ALK: variants seen among roughly 807,000 people sequenced by gnomAD.
ALK encodes ALK tyrosine kinase receptor.
ALK carries 74 observed loss-of-function variants against 163.1 expected under a neutral mutation model. The observed-to-expected ratio is 0.45, with a 90% CI of 0.38 to 0.55. ALK has a LOEUF of 0.55. Ranked by LOEUF, ALK falls within the 20% of genes least tolerant of loss-of-function variation. ALK has a pLI of 0.00. For missense variants in ALK, 2,063 were observed against 2,105.3 expected (o/e 0.98, Z 0.39); for synonymous variants, 960 against 843.2 (o/e 1.14, Z -2.40).
At chr2:29,919,972 A>T (rs2148442741) in intron 1 of ALK, 21 bp downstream of exon 1, 1 of 1,610,856 alleles carries the variant, frequency 6.2e-7, no homozygotes, top group African/African-American at 1.3e-5. Context: ...ATCCCGGCAC[A>T]CTCAGGCGGG....
At chr2:29,714,457 A>G (rs927889907) in intron 2 of ALK, among the ~76,000 whole-genome samples, 2 of 152,190 alleles carry the variant, frequency 1.3e-5, no homozygotes, top group Non-Finnish European at 2.9e-5. Flanking sequence ...GCCTCTTTCC[A>G]CCTTGTCTCT....
At chr2:29,215,899 G>A (rs77233253) in intron 23 of ALK, among the ~76,000 whole-genome samples, 1,975 of 152,220 alleles carry the variant, frequency 0.013, 39 homozygotes, top group African/African-American at 0.045. Context: ...TGGGACTGTC[G>A]GTCTCCCTGG....
At chr2:29,289,913 G>T (rs1468111792) in intron 9 of ALK, among the ~76,000 whole-genome samples, 1 of 152,178 alleles carries the variant, frequency 6.6e-6, no homozygotes, top group African/African-American at 2.4e-5. Context: ...GGCTCCTTCT[G>T]CTCCAGCTCC....
chr2:29,676,800 A>G (rs1286108610), intron 3 of ALK, among the ~76,000 whole-genome samples: 1 of 151,934 alleles, frequency 6.6e-6, no homozygotes, highest in Non-Finnish European at 1.5e-5. Flanking sequence ...AATTTATATT[A>G]TCTTTAATTT....
intron 3 of ALK, among the ~76,000 whole-genome samples, chr2:29,566,065 C>A (rs991375948): frequency 1.3e-5 from 2 of 152,138 alleles, no homozygotes; most frequent in African/African-American, 4.8e-5. Flanking sequence ...GGTTGAGTGA[C>A]AAACTTACAG....
At chr2:29,703,181 G>A (rs1678796058) in intron 2 of ALK, among the ~76,000 whole-genome samples, 2 of 152,178 alleles carry the variant, frequency 1.3e-5, no homozygotes, top group African/African-American at 2.4e-5. Context: ...ATTTTGTATT[G>A]GGGTTATTTT....
chr2:29,368,535 C>A (rs922997087), intron 5 of ALK, among the ~76,000 whole-genome samples: 3 of 152,118 alleles, frequency 2.0e-5, no homozygotes, highest in Admixed American at 6.5e-5. Flanking sequence ...AGAAGTAGGG[C>A]TTCTTGTTGC....
rs564955645 is a variant in ALK at position 29,395,358 on chromosome 2, G to T, written c.1155-11499C>A. The stretch of plus-strand genomic sequence containing the variant: ...CTGGGATAAGTGGTCAGCCAGAAAA[G>T]CCTGGAGGAGCCTGGTGAGGTGGGG... On this transcript the variant is annotated intron_variant, in intron 4 of 28. Transcript: ENST00000389048. Among the ~76,000 whole-genome samples the T allele has an allele frequency of 3.2e-4, 49 of 152,330 alleles. 2 individuals carry two copies. Among genetic ancestry groups the T allele is most frequent in the South Asian group, 2.1e-4 (1 of 4,820 alleles).
intron 4 of ALK, among the ~76,000 whole-genome samples, chr2:29,437,610 C>A (rs747464339): frequency 6.6e-6 from 1 of 152,198 alleles, no homozygotes; most frequent in African/African-American, 2.4e-5. Context: ...TCTTTCTTCT[C>A]AATGGAGGTT....
chr2:29,901,339 G>A (rs1263974180), intron 1 of ALK, among the ~76,000 whole-genome samples: 2 of 152,210 alleles, frequency 1.3e-5, no homozygotes, highest in Non-Finnish European at 2.9e-5. Flanking sequence ...CTGAGGTCAT[G>A]TCTGATATTC....
rs1379154467 is a variant in ALK, at chr2:29,275,234, T to C, written c.1913-7A>G. On this transcript the variant is annotated splice_region_variant and splice_polypyrimidine_tract_variant and intron_variant, in intron 10 of 28. Coordinates refer to ENST00000389048, the MANE Select transcript of ALK (RefSeq NM_004304.5). The stretch of plus-strand genomic sequence containing the variant: ...ATCTTGTCCTCTCCGCTAACTGCAA[T>C]AGAGAAGACCCCACGGGCTGAGTTA... The C allele has an allele frequency of 6.2e-6, 10 of 1,613,908 alleles. No homozygotes were observed. Among genetic ancestry groups the C allele is most frequent in the Non-Finnish European group, 8.5e-6 (10 of 1,180,034 alleles).
chr2:29,346,347 C>G (rs567404453), intron 5 of ALK, among the ~76,000 whole-genome samples: 18 of 152,308 alleles, frequency 1.2e-4, no homozygotes, highest in African/African-American at 2.9e-4. Flanking sequence ...GCTTTATTTT[C>G]AGAGATCCAC....
At chr2:29,554,261 T>A (rs1002909602) in intron 3 of ALK, among the ~76,000 whole-genome samples, 97 of 152,330 alleles carry the variant, frequency 6.4e-4, no homozygotes, top group African/African-American at 2.3e-3. Context: ...GGAAAACCTT[T>A]GTAAAGAGTC....
At chr2:29,869,996 C>G (rs768879293) in intron 1 of ALK, among the ~76,000 whole-genome samples, 24 of 152,270 alleles carry the variant, frequency 1.6e-4, no homozygotes, top group Non-Finnish European at 3.4e-4. Context: ...TAATAATGAT[C>G]TTCATCTATG....
chr2:29,550,892 A>T (rs1478435362), intron 3 of ALK, among the ~76,000 whole-genome samples: 2 of 152,156 alleles, frequency 1.3e-5, no homozygotes, highest in Non-Finnish European at 2.9e-5. Context: ...CTTTCACTTA[A>T]CATTGTCGTA....
In ALK at chr2:29,220,745, TC is replaced by T; in HGVS notation, c.3605del (p.Gly1202GlufsTer56). 1.9e-6 allele frequency: 3 copies of T among 1,600,454 alleles called. No individual in the cohort carries two copies. Among genetic ancestry groups the T allele is most frequent in the Admixed American group, 1.7e-5 (1 of 57,922 alleles). On this transcript the variant is annotated frameshift_variant, in exon 23 of 29. Transcript: ENST00000389048. LOFTEE classifies it high-confidence loss of function. ...TCTCTCGGAGGAAGGACTTGAGGTC[TC>T]CCCCCGCCATGAGCTCCAGCAGGAT... ...RFILLELMAG[G>X]DLKSFLRETR...
intron 3 of ALK, among the ~76,000 whole-genome samples, chr2:29,627,504 T>A (rs537873037): frequency 6.6e-6 from 1 of 151,644 alleles, no homozygotes; most frequent in African/African-American, 2.4e-5. Flanking sequence ...GGCCAGGGAA[T>A]TGAGAAGCAT....
chr2:29,629,389 AAT>A, intron 3 of ALK, among the ~76,000 whole-genome samples: 1 of 152,316 alleles, frequency 6.6e-6, no homozygotes, highest in Admixed American at 6.5e-5. Flanking sequence ...CAAGCAGAGG[AAT>A]ATGACAATGA....
At chr2:29,891,617 G>C (rs1267028356) in intron 1 of ALK, among the ~76,000 whole-genome samples, 1 of 152,096 alleles carries the variant, frequency 6.6e-6, no homozygotes, top group East Asian at 1.9e-4. Flanking sequence ...TTATAGTTCT[G>C]GGGAGAACCA....
Sources: allele counts gnomAD v4.1 joint callset (sites outside exome capture counted in the v4.1 genomes callset), GRCh38; gene constraint gnomAD v4.1.1; transcripts MANE v1.5; gene names NCBI Gene and HGNC (gene_info 2026-07-23, HGNC 2026-07-21).